The following SPEF2 variants were observed in gnomAD, a reference collection of about 807,000 sequenced individuals.
The protein encoded by SPEF2 is sperm flagella and cilia-associated protein 2.
A neutral mutation model predicts 224.6 loss-of-function variants in SPEF2; 187 were observed. The ratio of observed to expected loss-of-function variants is 0.83; its 90% confidence interval spans 0.74 to 0.94. The LOEUF (loss-of-function observed/expected upper bound fraction) is 0.94. Among genes scored for constraint, SPEF2 ranks in the 40% least tolerant of loss-of-function variants. The pLI is 0.00. For synonymous variants in SPEF2, 715 were observed against 707.3 expected, an observed-to-expected ratio of 1.01 and a Z score of -0.17; for missense variants, 2,170 against 2,135.6, an observed-to-expected ratio of 1.02 and a Z score of -0.32.
chr5:35,671,421 T>C (rs1751204111), intron 10 of SPEF2: 1 of 973,294 alleles, frequency 1.0e-6, no homozygotes, highest in Non-Finnish European at 1.2e-6. Context: ...CCTTAAAAGA[T>C]ATATGTGGAT....
At chr5:35,771,185 A>T (rs1224338567) in intron 26 of SPEF2, among the ~76,000 whole-genome samples, 1 of 152,210 alleles carries the variant, frequency 6.6e-6, no homozygotes, top group African/African-American at 2.4e-5. Flanking sequence ...GTAGGGGATC[A>T]GTTATCAAAA....
At chr5:35,643,660 A>G (rs1746922020) in intron 3 of SPEF2, 2 of 410,526 alleles carry the variant, frequency 4.9e-6, no homozygotes, top group African/African-American at 2.1e-5. Context: ...AAAGAAGTAG[A>G]GATGCCATCT....
chr5:35,722,840 A>G (rs1743981931), intron 20 of SPEF2, among the ~76,000 whole-genome samples: 1 of 151,824 alleles, frequency 6.6e-6, no homozygotes, highest in African/African-American at 2.4e-5. Context: ...GCTGCATAGT[A>G]TTCCATGGTT....
At position 35,795,785 on chromosome 5, in the gene SPEF2, A is replaced by G. The variant is rs201136358; in HGVS notation, c.4820A>G (p.His1607Arg). ...CCCCTTCCATTTAATAGGCAGGAGC[A>G]TCTTATAGAGGTAATGACTGAGATC... ...LEPLPFNRQE[H>R]LIEFFFRLFA... Residue 1607 changes from histidine (H) to arginine (R), a missense_variant, in exon 33 of 37, where the codon CAT becomes CGT. By Grantham distance (29) the His-to-Arg change is conservative. Transcript: ENST00000356031. 5.0e-6 allele frequency: 8 copies of G among 1,611,560 alleles called. No homozygotes were observed. The highest frequency in any genetic ancestry group is 6.8e-6 in the Non-Finnish European group (8 of 1,177,808).
In SPEF2 at chr5:35,779,323, A is replaced by G. The variant is rs1211374804; in HGVS notation, c.4424A>G (p.Gln1475Arg). 2 of 1,608,740 alleles carry G rather than the reference A, an allele frequency of 1.2e-6. No individual in the cohort carries two copies. Among genetic ancestry groups the G allele is most frequent in the Admixed American group, 3.4e-5 (2 of 58,842 alleles). ...TIEQLDSLRD[Q>R]FLDMAPKGII... ...GAACAGCTTGACAGTCTTCGAGATCAGTTCTTAGATATGGCACCTAAAGGT... is the reference window on the plus strand; with the variant it reads ...GAACAGCTTGACAGTCTTCGAGATCGGTTCTTAGATATGGCACCTAAAGGT... The change falls in exon 30 of 37, where the codon CAG (glutamine) becomes CGG (arginine). Residue 1475 changes from glutamine (Q) to arginine (R), a missense_variant. Transcript: ENST00000356031.
At chr5:35,684,621 A>G (rs1753318996) in intron 10 of SPEF2, among the ~76,000 whole-genome samples, 1 of 152,232 alleles carries the variant, frequency 6.6e-6, no homozygotes, top group Non-Finnish European at 1.5e-5. Context: ...CAGAGGTTAC[A>G]TAGGCTCCTC....
rs565551832 is a variant in SPEF2 at position 35,698,490 on chromosome 5, G to A, written c.2141+697G>A. 2.0e-5 allele frequency: 3 copies of A among 152,320 alleles called. No homozygotes were observed. The South Asian group carries it at 6.2e-4, about 32-fold the overall frequency. 9.4% of individuals were successfully genotyped at this position (152,320 alleles called of 1,614,324 possible). ...AGAAGTGGCGATAAAGCATGTTTCA[G>A]CCATGGGATTCTTTGCTTCTGCTCC... On this transcript the variant is annotated intron_variant, in intron 15 of 36. Transcript: ENST00000356031.
intron 2 of SPEF2, among the ~76,000 whole-genome samples, chr5:35,640,295 G>A (rs975920350): frequency 2.0e-5 from 3 of 152,122 alleles, no homozygotes; most frequent in African/African-American, 7.2e-5. Flanking sequence ...CTGACAGATG[G>A]CTCTCAGTTC....
chr5:35,675,688 T>G, intron 10 of SPEF2: 1 of 257,928 alleles, frequency 3.9e-6, no homozygotes, highest in Non-Finnish European at 8.0e-6. Flanking sequence ...CCCGGCTAAT[T>G]TTCTGTATTT....
chr5:35,694,594 T>C (rs146506860), intron 13 of SPEF2, among the ~76,000 whole-genome samples: 125 of 152,280 alleles, frequency 8.2e-4, no homozygotes, highest in African/African-American at 2.9e-3. Flanking sequence ...GAATAGTTGA[T>C]TAGTTTTGCT....
At chr5:35,787,791 A>G (rs769269384) in intron 30 of SPEF2, 2 of 528,068 alleles carry the variant, frequency 3.8e-6, no homozygotes, top group Admixed American at 3.4e-5. Flanking sequence ...GAGCAAATGT[A>G]GGGGTCAGAG....
intron 36 of SPEF2, among the ~76,000 whole-genome samples, chr5:35,812,118 A>G (rs4263524): frequency 0.19 from 28,329 of 152,016 alleles, 3,658 homozygotes; most frequent in East Asian, 0.52. Flanking sequence ...AAGAACCACA[A>G]TTACTTTTGC....
chr5:35,618,122 C>T (rs1742924175), intron 1 of SPEF2, 67 bp downstream of exon 1: 2 of 1,512,654 alleles, frequency 1.3e-6, no homozygotes, highest in South Asian at 1.2e-5. Flanking sequence ...CAGCGCAGCG[C>T]AGCGCACTCA....
intron 34 of SPEF2, among the ~76,000 whole-genome samples, chr5:35,805,628 C>T (rs1282665663): frequency 1.3e-5 from 2 of 152,136 alleles, no homozygotes; most frequent in African/African-American, 4.8e-5. Flanking sequence ...TACATACATA[C>T]ACACATGTAT....
intron 23 of SPEF2, among the ~76,000 whole-genome samples, chr5:35,742,724 T>A (rs1391843072): frequency 6.6e-6 from 1 of 152,016 alleles, no homozygotes; most frequent in Non-Finnish European, 1.5e-5. Flanking sequence ...GCTCTGTTCC[T>A]TACTGACTTC....
At chr5:35,751,094 C>CATATATATATATATATAT (rs1442886154) in intron 23 of SPEF2, among the ~76,000 whole-genome samples, 1 of 20,884 alleles carries the variant, frequency 4.8e-5, no homozygotes, top group South Asian at 3.0e-3. Context: ...CACACACACA[C>CATATATATATATATATAT]ACATATATAT....
In SPEF2 at chr5:35,700,633, C is replaced by T; in HGVS notation, c.2279C>T (p.Thr760Ile). ...EVERKKAQKS[T>I]LAIDPATSKE... ...GAAAGAAAAAAAGCACAAAAATCCACATTGGCTATTGATCCTGCGACTTCC... is the reference window on the plus strand; with the variant it reads ...GAAAGAAAAAAAGCACAAAAATCCATATTGGCTATTGATCCTGCGACTTCC... The change falls in exon 16 of 37, where the codon ACA (threonine) becomes ATA (isoleucine). Residue 760 changes from threonine (T) to isoleucine (I), a missense_variant. Coordinates refer to ENST00000356031, the MANE Select transcript of SPEF2 (RefSeq NM_024867.4). 1 of 1,614,014 alleles carries T rather than the reference C, an allele frequency of 6.2e-7. No homozygotes were observed. Among genetic ancestry groups the T allele is most frequent in the South Asian group, 1.1e-5 (1 of 91,080 alleles).
rs1047846456 is a variant in SPEF2, at chr5:35,787,795, G to A, written c.4448-4545G>A. 1.5e-5 allele frequency: 8 copies of A among 545,648 alleles called. No homozygotes were observed. In the South Asian group the frequency reaches 1.8e-4, roughly 12 times the overall value. The allele number at this position is 545,648 out of a possible 1,614,324, so 33.8% of individuals were successfully genotyped here. On this transcript the variant is annotated intron_variant, in intron 30 of 36. Transcript: ENST00000356031. ...CAAAAACTAGTGAGCAAATGTAGGGGTCAGAGATTAAGCAAAACTGAGGGT... is the reference window on the plus strand; with the variant it reads ...CAAAAACTAGTGAGCAAATGTAGGGATCAGAGATTAAGCAAAACTGAGGGT...
chr5:35,664,828 A>G (rs1750244218), intron 8 of SPEF2, among the ~76,000 whole-genome samples: 1 of 18,846 alleles, frequency 5.3e-5, no homozygotes, highest in East Asian at 9.0e-4. Context: ...GGGAGAGAGG[A>G]AGGAAGGAGG....
Sources: gnomAD v4.1 joint callset for allele counts (sites outside exome capture counted in the v4.1 genomes callset) on GRCh38, gnomAD v4.1.1 for gene constraint, MANE v1.5 for transcripts, NCBI Gene and HGNC (gene_info 2026-07-23, HGNC 2026-07-21) for gene names.